The following CELA2A variants were observed in gnomAD, a reference collection of about 807,000 sequenced individuals.
CELA2A encodes the protein chymotrypsin-like elastase family member 2A.
Under a neutral mutation model 35.3 loss-of-function variants are expected in CELA2A, and 31 were observed. The observed-to-expected ratio is 0.88, with a 90% CI of 0.66 to 1.19. The LOEUF is 1.19. Ranked by LOEUF, CELA2A falls within the 50% of genes most tolerant of loss-of-function variation. The probability of loss-of-function intolerance (pLI) is 0.00; values close to 1 mark genes in which losing one functional copy is unlikely to be tolerated. For synonymous variants in CELA2A, 150 were observed against 149.8 expected (o/e 1.00, Z -0.01); for missense variants, 330 against 352.9 (o/e 0.94, Z 0.52).
At chr1:15,458,480 G>T (rs1480884745) in intron 2 of CELA2A, among the ~76,000 whole-genome samples, 2 of 152,188 alleles carry the variant, frequency 1.3e-5, no homozygotes, top group African/African-American at 2.4e-5. Flanking sequence ...AGCAAACCCA[G>T]CTGAATCAGG....
chr1:15,467,256 T>C (rs952470934), intron 6 of CELA2A, 130 bp from the exon 7 acceptor site: 228 of 903,936 alleles, frequency 2.5e-4, no homozygotes, highest in Middle Eastern at 1.3e-3. Context: ...CACCTTGGGC[T>C]ATGACCACAA....
At chr1:15,464,966 T>A (rs1046031588) in intron 5 of CELA2A, among the ~76,000 whole-genome samples, 1 of 151,760 alleles carries the variant, frequency 6.6e-6, no homozygotes, top group Non-Finnish European at 1.5e-5. Context: ...GTTAATTAAT[T>A]ACTTATTAGT....
chr1:15,461,486 GTTC>G, intron 2 of CELA2A, 72 bp from the exon 3 acceptor site: 1 of 1,543,224 alleles, frequency 6.5e-7, no homozygotes, highest in Non-Finnish European at 8.9e-7. Context: ...TCCCAGCCCC[GTTC>G]TTGGGAAACT....
In CELA2A at chr1:15,463,503, G is replaced by C. The variant is rs201775179; in HGVS notation, c.474G>C (p.Thr158=). The change falls in exon 5 of 8, where the codon ACG becomes ACC. Residue 158 remains threonine (T), a synonymous_variant. Coordinates refer to ENST00000359621, the MANE Select transcript of CELA2A (RefSeq NM_033440.3). ...ILPNNYPCYV[T]GWGRLQTNGA... ...CCAACAACTACCCCTGCTACGTCAC[G>C]GGCTGGGGAAGGCTGCAGAGTAAGT... 6.2e-6 allele frequency: 10 copies of C among 1,613,734 alleles called. No individual in the cohort carries two copies. Among genetic ancestry groups the C allele is most frequent in the Non-Finnish European group, 8.5e-6 (10 of 1,179,858 alleles).
rs1364287687 is a variant in CELA2A, at chr1:15,457,101, A to T, written c.56A>T (p.Asp19Val). 6.2e-7 allele frequency: 1 copy of T among 1,613,730 alleles called. No individual in the cohort carries two copies. Among genetic ancestry groups the T allele is most frequent in the African/African-American group, 1.3e-5 (1 of 74,812 alleles). Residue 19 changes from aspartate to valine, a missense_variant, in exon 2 of 8, where the codon GAC becomes GTC. Physicochemically the swap from Asp to Val is radical, Grantham distance 152 (BLOSUM62 -3). Transcript: ENST00000359621. ...CTTTTCACAGCCCTCAGTTGTGGGG[A>T]CCCCACTTACCCACCTTATGTGACT... ...TLVAGALSCG[D>V]PTYPPYVTRV...
rs34803975 is a variant in CELA2A at position 15,465,628 on chromosome 1, C to T, written c.494-371C>T. Reference sequence around the variant, plus strand: ...CCAGGCATCAGGAACAAGCTAGAATCAGGGGCTGGAAACCTGTAAGAAACA... The same window carrying T: ...CCAGGCATCAGGAACAAGCTAGAATTAGGGGCTGGAAACCTGTAAGAAACA... On this transcript the variant is annotated intron_variant, in intron 5 of 7. Transcript: ENST00000359621. Among the ~76,000 whole-genome samples, 283 of 152,320 alleles carry T rather than the reference C, an allele frequency of 1.9e-3. 3 individuals carry two copies. Among genetic ancestry groups the T allele is most frequent in the South Asian group, 6.2e-3 (30 of 4,832 alleles).
chr1:15,471,437 A>G (rs1708592719), intron 7 of CELA2A, among the ~76,000 whole-genome samples: 2 of 152,072 alleles, frequency 1.3e-5, no homozygotes, highest in Non-Finnish European at 2.9e-5. Flanking sequence ...AATCTCAGCT[A>G]CCCGGGAGGC....
At position 15,467,393 on chromosome 1, in the gene CELA2A, C is replaced by T; in HGVS notation, c.647C>T (p.Ser216Phe). The stretch of plus-strand genomic sequence containing the variant: ...AACTCTGGCCTTCCTCAGGGAGACT[C>T]TGGCGGGCCACTGAACTGTCAGGCG... ...DGVISSCNGDSGGPLNCQASD... is the reference protein window; with the variant it reads ...DGVISSCNGDFGGPLNCQASD... Residue 216 changes from serine to phenylalanine, a missense_variant, in exon 7 of 8, where the codon TCT becomes TTT. Ser to Phe is a radical substitution (Grantham distance 155). Coordinates refer to ENST00000359621, the MANE Select transcript of CELA2A (RefSeq NM_033440.3). 6.2e-7 allele frequency: 1 copy of T among 1,613,354 alleles called. No individual in the cohort carries two copies. Among genetic ancestry groups the T allele is most frequent in the East Asian group, 2.2e-5 (1 of 44,894 alleles).
chr1:15,470,462 C>T (rs1450902827), intron 7 of CELA2A, among the ~76,000 whole-genome samples: 4 of 152,046 alleles, frequency 2.6e-5, no homozygotes, highest in Admixed American at 1.3e-4. Flanking sequence ...ATTCTTTTTC[C>T]GGAAGGTAAT....
intron 3 of CELA2A, 41 bp downstream of exon 3, chr1:15,461,699 G>A (rs777430213): frequency 1.4e-5 from 22 of 1,612,198 alleles, no homozygotes; most frequent in Non-Finnish European, 1.8e-5. Context: ...CTCACCAGCT[G>A]GTGCTCATTT....
At chr1:15,457,275 T>G (rs1418376527) in intron 2 of CELA2A, 101 bp downstream of exon 2, 2 of 1,161,624 alleles carry the variant, frequency 1.7e-6, no homozygotes, top group African/African-American at 1.5e-5. Flanking sequence ...GCAAAGTGAG[T>G]ATTGATGGGA....
At chr1:15,465,108 C>T (rs1317579193) in intron 5 of CELA2A, among the ~76,000 whole-genome samples, 2 of 146,952 alleles carry the variant, frequency 1.4e-5, no homozygotes, top group Non-Finnish European at 3.0e-5. Flanking sequence ...GCCTCCCGAG[C>T]TCAAGCGATT....
At position 15,467,378 on chromosome 1, in the gene CELA2A, T is replaced by C; in HGVS notation, c.640-8T>C. Reference sequence around the variant, plus strand: ...CCTTTACCTGCCTATAACTCTGGCCTTCCTCAGGGAGACTCTGGCGGGCCA... The same window carrying C: ...CCTTTACCTGCCTATAACTCTGGCCCTCCTCAGGGAGACTCTGGCGGGCCA... On this transcript the variant is annotated splice_polypyrimidine_tract_variant and splice_region_variant and intron_variant, in intron 6 of 7. Transcript: ENST00000359621. 2 of 1,612,566 alleles carry C rather than the reference T, an allele frequency of 1.2e-6. No homozygotes were observed. The highest frequency in any genetic ancestry group is 1.7e-6 in the Non-Finnish European group (2 of 1,179,984).
chr1:15,456,923 G>A lies in CELA2A; in HGVS notation c.40+130G>A, dbSNP rs1708368452. 4 of 1,352,282 alleles carry A rather than the reference G, an allele frequency of 3.0e-6. No individual in the cohort carries two copies. The South Asian group carries it at 3.8e-5, about 13-fold the overall frequency. 83.8% of individuals were successfully genotyped at this position (1,352,282 alleles called of 1,614,324 possible). ...CAGACCTATAATCATAAGAACATTGGAATGGAGTTTCAAAGAATTGGAGCA... is the reference window on the plus strand; with the variant it reads ...CAGACCTATAATCATAAGAACATTGAAATGGAGTTTCAAAGAATTGGAGCA... On this transcript the variant is annotated intron_variant, in intron 1 of 7. Transcript: ENST00000359621.
At chr1:15,463,246 A>T in intron 4 of CELA2A, 140 bp from the exon 5 acceptor site, 1 of 1,338,578 alleles carries the variant, frequency 7.5e-7, no homozygotes, top group Non-Finnish European at 1.0e-6. Context: ...GCATTTTCAA[A>T]CATGCCCTGG....
chr1:15,460,472 T>A (rs12058073), intron 2 of CELA2A, among the ~76,000 whole-genome samples: 2,326 of 152,182 alleles, frequency 0.015, 62 homozygotes, highest in African/African-American at 0.052. Context: ...CAGGTCATCG[T>A]TCCCCACAGT....
chr1:15,463,593 G>T (rs1301923733), intron 5 of CELA2A, 71 bp downstream of exon 5: 1 of 1,604,390 alleles, frequency 6.2e-7, no homozygotes, highest in Non-Finnish European at 8.5e-7. Flanking sequence ...TGTCTGGCCG[G>T]GGCCTCTCAC....
intron 5 of CELA2A, among the ~76,000 whole-genome samples, chr1:15,464,103 T>A (rs2103303359): frequency 6.6e-6 from 1 of 152,178 alleles, no homozygotes; most frequent in Non-Finnish European, 1.5e-5. Flanking sequence ...GTCACGAGGA[T>A]TAAAGGAGAT....
At chr1:15,466,419 G>T (rs564362556) in intron 6 of CELA2A, among the ~76,000 whole-genome samples, 3 of 151,976 alleles carry the variant, frequency 2.0e-5, no homozygotes, top group South Asian at 2.1e-4. Context: ...AAAATTAGCC[G>T]GGCATGGTGG....
Sources: allele counts gnomAD v4.1 joint callset (sites outside exome capture counted in the v4.1 genomes callset), GRCh38; gene constraint gnomAD v4.1.1; transcripts MANE v1.5; gene names NCBI Gene and HGNC (gene_info 2026-07-23, HGNC 2026-07-21).